The following CCDC60 variants were observed in gnomAD, a reference collection of about 807,000 sequenced individuals.
CCDC60 encodes the protein coiled-coil domain containing 60.
In CCDC60, 54 loss-of-function variants were observed where a neutral mutation model predicts 63.5. The ratio of observed to expected loss-of-function variants is 0.85; its 90% CI spans 0.68 to 1.07. The LOEUF is 1.07. Ranked by LOEUF, CCDC60 falls within the 50% of genes least tolerant of loss-of-function variation. CCDC60 has a pLI of 0.00. For missense variants in CCDC60, 651 were observed against 684.3 expected (o/e 0.95, Z 0.54); for synonymous variants, 206 against 238.8 (o/e 0.86, Z 1.27).
intron 2 of CCDC60, among the ~76,000 whole-genome samples, chr12:119,460,308 G>A (rs2136302700): frequency 6.6e-6 from 1 of 152,336 alleles, no homozygotes; most frequent in East Asian, 1.9e-4. Flanking sequence ...TCTTAGGTCT[G>A]AGGCAACTTC....
intron 3 of CCDC60, among the ~76,000 whole-genome samples, chr12:119,474,112 A>G (rs1237625386): frequency 6.6e-6 from 1 of 152,220 alleles, no homozygotes; most frequent in African/African-American, 2.4e-5. Flanking sequence ...GCTAATTATC[A>G]GGGAAATGCA....
chr12:119,418,273 C>T (rs1006507319), intron 1 of CCDC60, among the ~76,000 whole-genome samples: 2 of 151,816 alleles, frequency 1.3e-5, no homozygotes, highest in Admixed American at 6.6e-5. Context: ...CTAAACACTT[C>T]AGCATGTATT....
intron 1 of CCDC60, among the ~76,000 whole-genome samples, chr12:119,340,957 A>G (rs1313716447): frequency 6.6e-6 from 1 of 152,230 alleles, no homozygotes; most frequent in Non-Finnish European, 1.5e-5. Flanking sequence ...TTCCATTTTT[A>G]TATCACTCAT....
At chr12:119,494,179 T>A (rs1196753585) in intron 5 of CCDC60, among the ~76,000 whole-genome samples, 3 of 152,170 alleles carry the variant, frequency 2.0e-5, no homozygotes, top group Non-Finnish European at 2.9e-5. Context: ...TACCTAGAAA[T>A]GAGTAGACTT....
intron 2 of CCDC60, chr12:119,433,542 A>T (rs987392969): frequency 2.8e-6 from 2 of 702,270 alleles, no homozygotes; most frequent in Non-Finnish European, 5.2e-6. Context: ...TTCAGAAGGA[A>T]ACACCATGTT....
intron 5 of CCDC60, among the ~76,000 whole-genome samples, chr12:119,492,704 G>A (rs1018893488): frequency 3.9e-5 from 6 of 152,122 alleles, no homozygotes; most frequent in African/African-American, 7.2e-5. Flanking sequence ...GTGACCTTGG[G>A]CAAGTCACTT....
At chr12:119,405,260 CA>C (rs1956466593) in intron 1 of CCDC60, among the ~76,000 whole-genome samples, 1 of 152,222 alleles carries the variant, frequency 6.6e-6, no homozygotes, top group Non-Finnish European at 1.5e-5. Context: ...TCATTGGTGG[CA>C]ACTGCGGTTT....
intron 13 of CCDC60, among the ~76,000 whole-genome samples, chr12:119,532,183 G>A (rs1280289848): frequency 1.3e-5 from 2 of 152,062 alleles, no homozygotes; most frequent in Admixed American, 1.3e-4. Flanking sequence ...ATTCTAGCAG[G>A]TTTGGCCAAA....
At chr12:119,479,893 G>A (rs1681978410) in intron 4 of CCDC60, 1 of 151,786 alleles carries the variant, frequency 6.6e-6, no homozygotes, top group Non-Finnish European at 1.5e-5. Flanking sequence ...CCGCATCCAT[G>A]GCCTCTACCC....
chr12:119,351,214 T>C (rs1955653233), intron 1 of CCDC60, among the ~76,000 whole-genome samples: 1 of 152,186 alleles, frequency 6.6e-6, no homozygotes, highest in South Asian at 2.1e-4. Flanking sequence ...CCTCTCTCCC[T>C]TTCCACTCTC....
chr12:119,405,925 A>T (rs1956480097), intron 1 of CCDC60, among the ~76,000 whole-genome samples: 1 of 152,074 alleles, frequency 6.6e-6, no homozygotes. Context: ...TAATCCCAGC[A>T]CTTTGGGAGG....
chr12:119,529,088 T>A (rs1407180288), intron 12 of CCDC60, among the ~76,000 whole-genome samples: 1 of 152,080 alleles, frequency 6.6e-6, no homozygotes, highest in Non-Finnish European at 1.5e-5. Context: ...GATTCTGAGG[T>A]CTATGGGGGT....
intron 6 of CCDC60, among the ~76,000 whole-genome samples, chr12:119,504,518 C>G (rs368035248): frequency 2.0e-5 from 3 of 152,180 alleles, no homozygotes; most frequent in East Asian, 1.9e-4. Flanking sequence ...CTCCCACTCA[C>G]ATCCTAAATG....
intron 1 of CCDC60, among the ~76,000 whole-genome samples, chr12:119,343,418 A>G (rs976629933): frequency 3.3e-5 from 5 of 152,086 alleles, no homozygotes; most frequent in Non-Finnish European, 1.5e-5. Flanking sequence ...CAGGGGTTTC[A>G]TAGTGGCTGT....
At chr12:119,432,669 A>G (rs2136240415) in intron 2 of CCDC60, among the ~76,000 whole-genome samples, 1 of 152,324 alleles carries the variant, frequency 6.6e-6, no homozygotes, top group African/African-American at 2.4e-5. Flanking sequence ...CAGCCTAAGG[A>G]GGGCGACAAA....
chr12:119,431,195 G>A (rs192245596), intron 2 of CCDC60, among the ~76,000 whole-genome samples: 16 of 152,298 alleles, frequency 1.1e-4, no homozygotes, highest in South Asian at 8.3e-4. Flanking sequence ...AGTAATTCAC[G>A]CAGAGCCGGC....
intron 1 of CCDC60, among the ~76,000 whole-genome samples, chr12:119,425,237 G>C (rs1314716472): frequency 1.3e-5 from 2 of 152,068 alleles, no homozygotes; most frequent in African/African-American, 4.8e-5. Flanking sequence ...GTTACTTTGG[G>C]CCTGCAGGAA....
chr12:119,442,015 A>G (rs887601438), intron 2 of CCDC60, among the ~76,000 whole-genome samples: 1 of 152,222 alleles, frequency 6.6e-6, no homozygotes, highest in African/African-American at 2.4e-5. Flanking sequence ...AAATAATACA[A>G]TCTAGAAAAG....
intron 6 of CCDC60, among the ~76,000 whole-genome samples, chr12:119,504,168 G>A (rs1185954756): frequency 6.6e-6 from 1 of 152,094 alleles, no homozygotes; most frequent in East Asian, 1.9e-4. Flanking sequence ...AATGAGCTTT[G>A]GCATTAACCT....
Sources: gnomAD v4.1 joint callset for allele counts (sites outside exome capture counted in the v4.1 genomes callset) on GRCh38, gnomAD v4.1.1 for gene constraint, MANE v1.5 for transcripts, NCBI Gene and HGNC (gene_info 2026-07-23, HGNC 2026-07-21) for gene names.